The following NLK variants were observed in gnomAD, a reference collection of about 807,000 sequenced individuals.
The protein encoded by NLK is serine/threonine-protein kinase NLK.
NLK carries 11 observed loss-of-function variants against 59.0 expected under a neutral mutation model. The ratio of observed to expected loss-of-function variants is 0.19; its 90% CI spans 0.12 to 0.31. The LOEUF (loss-of-function observed/expected upper bound fraction) is 0.31. Among genes scored for constraint, NLK ranks in the 10% least tolerant of loss-of-function variants. NLK has a pLI of 1.00. For synonymous variants in NLK, 235 were observed against 235.9 expected, an observed-to-expected ratio of 1.00 and a Z score of 0.03; for missense variants, 410 against 661.1, an observed-to-expected ratio of 0.62 and a Z score of 4.16.
intron 1 of NLK, among the ~76,000 whole-genome samples, chr17:28,043,826 A>G (rs1464756514): frequency 6.6e-6 from 1 of 152,382 alleles, no homozygotes; most frequent in South Asian, 2.1e-4. Flanking sequence ...GAAGAAAGAT[A>G]GGATTCATAG....
At chr17:28,053,864 A>T (rs1909347930) in intron 1 of NLK, among the ~76,000 whole-genome samples, 1 of 152,186 alleles carries the variant, frequency 6.6e-6, no homozygotes, top group African/African-American at 2.4e-5. Context: ...AGTTAATTGA[A>T]ATAAGCCAGG....
chr17:28,069,297 T>TC (rs1487205532), intron 1 of NLK, among the ~76,000 whole-genome samples: 1 of 152,254 alleles, frequency 6.6e-6, no homozygotes, highest in East Asian at 1.9e-4. Flanking sequence ...AGTGTATGAA[T>TC]ATAGCACAGT....
chr17:28,200,790 T>G (rs1466509622), downstream of NLK, among the ~76,000 whole-genome samples: 1 of 152,226 alleles, frequency 6.6e-6, no homozygotes, highest in Non-Finnish European at 1.5e-5. Flanking sequence ...CCAACTTTGT[T>G]ACTTAAAAAA....
At chr17:28,165,218 A>G (rs1020495055) in intron 5 of NLK, among the ~76,000 whole-genome samples, 1 of 152,120 alleles carries the variant, frequency 6.6e-6, no homozygotes, top group African/African-American at 2.4e-5. Context: ...TTTTTGTCCT[A>G]TTCATACCTA....
chr17:28,188,201 G>C (rs1247600970), intron 8 of NLK, among the ~76,000 whole-genome samples: 2 of 152,074 alleles, frequency 1.3e-5, no homozygotes, highest in African/African-American at 4.8e-5. Context: ...GAGACAGAGG[G>C]AAACCCTGTC....
intron 2 of NLK, among the ~76,000 whole-genome samples, chr17:28,130,852 TA>T (rs1278748037): frequency 2.0e-5 from 3 of 152,108 alleles, no homozygotes; most frequent in African/African-American, 4.8e-5. Flanking sequence ...TTTATTGGTT[TA>T]AAAAATATAG....
intron 8 of NLK, among the ~76,000 whole-genome samples, chr17:28,189,694 ATCCC>A (rs1909243233): frequency 6.6e-6 from 1 of 152,242 alleles, no homozygotes; most frequent in African/African-American, 2.4e-5. Flanking sequence ...GTGGAACACT[ATCCC>A]AGTGGAATCT....
intron 1 of NLK, among the ~76,000 whole-genome samples, chr17:28,113,701 A>G (rs1300558039): frequency 6.6e-6 from 1 of 152,058 alleles, no homozygotes; most frequent in African/African-American, 2.4e-5. Context: ...TCTTGTGCTG[A>G]CCTCCTATCT....
chr17:28,185,277 T>A lies in NLK; in HGVS notation c.1236+12T>A. The stretch of plus-strand genomic sequence containing the variant: ...TGGTCTTTGATCCAGTAAGTAGTGT[T>A]TTTTTTTATATATTTTTAATGAATT... On this transcript the variant is annotated intron_variant, in intron 8 of 10. Transcript: ENST00000407008. The A allele has an allele frequency of 3.4e-6, 5 of 1,487,194 alleles. No homozygotes were observed. Among genetic ancestry groups the A allele is most frequent in the African/African-American group, 1.4e-5 (1 of 70,926 alleles). The allele number at this position is 1,487,194 out of a possible 1,614,324, so 92.1% of individuals were successfully genotyped here.
intron 3 of NLK, among the ~76,000 whole-genome samples, chr17:28,144,508 C>T (rs1181671385): frequency 2.0e-5 from 3 of 151,874 alleles, no homozygotes; most frequent in Admixed American, 2.0e-4. Flanking sequence ...GCTGTCAGTG[C>T]TCCCAACTGT....
chr17:28,201,382 CT>C, the NLK span, among the ~76,000 whole-genome samples: 23 of 126,878 alleles, frequency 1.8e-4, no homozygotes, highest in Non-Finnish European at 2.1e-4. Context: ...TGCACCTGGT[CT>C]TTTTTTTTTT....
intron 5 of NLK, among the ~76,000 whole-genome samples, chr17:28,167,704 C>T (rs1197199903): frequency 2.0e-5 from 3 of 150,068 alleles, no homozygotes; most frequent in African/African-American, 7.3e-5. Flanking sequence ...AAAAAAAACC[C>T]ACAAAAATTA....
intron 1 of NLK, among the ~76,000 whole-genome samples, chr17:28,097,495 T>G (rs1904744529): frequency 6.6e-6 from 1 of 152,200 alleles, no homozygotes; most frequent in Non-Finnish European, 1.5e-5. Flanking sequence ...TGGTTAGGCA[T>G]GGTCCTTGTG....
chr17:28,188,229 A>T (rs1233159819), intron 8 of NLK, among the ~76,000 whole-genome samples: 1 of 152,156 alleles, frequency 6.6e-6, no homozygotes, highest in Non-Finnish European at 1.5e-5. Flanking sequence ...GAAAGAAATT[A>T]ATTTATTTAA....
chr17:28,105,449 G>A (rs1567715103), intron 1 of NLK, among the ~76,000 whole-genome samples: 1 of 151,976 alleles, frequency 6.6e-6, no homozygotes, highest in Non-Finnish European at 1.5e-5. Flanking sequence ...AAAAATTGTT[G>A]TTTGATCCAA....
At chr17:28,076,297 T>C (rs1215410580) in intron 1 of NLK, among the ~76,000 whole-genome samples, 1 of 152,196 alleles carries the variant, frequency 6.6e-6, no homozygotes, top group Non-Finnish European at 1.5e-5. Context: ...AGATCAAAGC[T>C]TCTGCAGATT....
intron 1 of NLK, among the ~76,000 whole-genome samples, chr17:28,102,883 T>C (rs1378512762): frequency 2.0e-5 from 3 of 152,164 alleles, no homozygotes; most frequent in Non-Finnish European, 2.9e-5. Flanking sequence ...TATTCCTCTT[T>C]ATATATGTAG....
At chr17:28,132,911 A>G (rs186358333) in intron 3 of NLK, among the ~76,000 whole-genome samples, 54 of 152,276 alleles carry the variant, frequency 3.5e-4, no homozygotes, top group African/African-American at 1.0e-3. Context: ...TTTAATCCCC[A>G]CACAGCCTTA....
intron 1 of NLK, among the ~76,000 whole-genome samples, chr17:28,120,533 T>C (rs900524455): frequency 5.9e-5 from 9 of 152,154 alleles, no homozygotes. Context: ...GGAAGACTGC[T>C]TGAGCCCAAG....
Sources: gnomAD v4.1 joint callset for allele counts (sites outside exome capture counted in the v4.1 genomes callset) on GRCh38, gnomAD v4.1.1 for gene constraint, MANE v1.5 for transcripts, NCBI Gene and HGNC (gene_info 2026-07-23, HGNC 2026-07-21) for gene names.